The following NAALAD2 variants were observed in gnomAD, a reference collection of about 807,000 sequenced individuals.
NAALAD2 encodes N-acetylated alpha-linked acidic dipeptidase 2.
A neutral mutation model predicts 95.6 loss-of-function variants in NAALAD2; 89 were observed. That is an observed-to-expected ratio of 0.93 (90% CI 0.78 to 1.11). NAALAD2 has a LOEUF of 1.11. NAALAD2 is among the 50% of genes least tolerant of loss of function. NAALAD2 has a pLI of 0.00. For missense variants in NAALAD2, 894 were observed against 872.4 expected, an observed-to-expected ratio of 1.02 and a Z score of -0.31; for synonymous variants, 264 against 294.4, an observed-to-expected ratio of 0.90 and a Z score of 1.06.
At chr11:90,176,842 T>G (rs574943820) in intron 15 of NAALAD2, among the ~76,000 whole-genome samples, 11 of 152,116 alleles carry the variant, frequency 7.2e-5, no homozygotes, top group Non-Finnish European at 1.3e-4. Flanking sequence ...AACAAAGAAA[T>G]AAAAGCAACC....
chr11:90,135,668 T>C lies in NAALAD2; in HGVS notation c.192T>C (p.Leu64=), dbSNP rs775371747. The C allele has an allele frequency of 6.1e-5, 98 of 1,607,868 alleles. 1 individual carries two copies. The highest frequency in any genetic ancestry group is 1.7e-4 in the Admixed American group (10 of 59,490). ...AAGCTGAAAACATCAAATCATTTCT[T>C]CGGTAAGTTTATTTTACGTATTTGA... ...EMKAENIKSF[L]RSFTKLPHLA... The change falls in exon 2 of 19, where the codon CTT becomes CTC. Residue 64 remains leucine (L), a splice_region_variant and synonymous_variant. Coordinates refer to ENST00000534061, the MANE Select transcript of NAALAD2 (RefSeq NM_005467.4).
At chr11:90,171,213 C>T (rs1001919694) in intron 13 of NAALAD2, among the ~76,000 whole-genome samples, 3 of 152,104 alleles carry the variant, frequency 2.0e-5, no homozygotes, top group Non-Finnish European at 4.4e-5. Context: ...AAGAATTTAC[C>T]TGTGGAAATG....
At chr11:90,169,055 T>G in intron 12 of NAALAD2, 63 bp downstream of exon 12, 1 of 1,155,624 alleles carries the variant, frequency 8.7e-7, no homozygotes. Flanking sequence ...AAGTAACTTT[T>G]ATTATTGAGT....
chr11:90,177,733 G>C (rs1421504581), intron 15 of NAALAD2, 120 bp from the exon 16 acceptor site: 3 of 1,014,000 alleles, frequency 3.0e-6, no homozygotes, highest in Non-Finnish European at 2.8e-6. Flanking sequence ...GATTACAGAT[G>C]TGAGCCACCA....
At chr11:90,161,909 C>T (rs1952308815) in intron 8 of NAALAD2, among the ~76,000 whole-genome samples, 1 of 136,408 alleles carries the variant, frequency 7.3e-6, no homozygotes, top group Non-Finnish European at 1.5e-5. Flanking sequence ...AAATCATTTA[C>T]TTAATGCCTT....
intron 15 of NAALAD2, among the ~76,000 whole-genome samples, chr11:90,177,608 T>A (rs1303682260): frequency 6.3e-5 from 6 of 94,592 alleles, no homozygotes; most frequent in African/African-American, 2.2e-4. Context: ...TTTTTTTTTT[T>A]TTTTTTTTTT....
intron 16 of NAALAD2, among the ~76,000 whole-genome samples, chr11:90,178,611 C>T (rs1414380893): frequency 6.6e-6 from 1 of 151,006 alleles, no homozygotes. Context: ...GCAGAGCTTG[C>T]AGTGAGCTGA....
At chr11:90,142,856 G>C (rs1387420745) in intron 2 of NAALAD2, among the ~76,000 whole-genome samples, 1 of 151,550 alleles carries the variant, frequency 6.6e-6, no homozygotes, top group African/African-American at 2.4e-5. Flanking sequence ...TTATCTTTTG[G>C]CTATACCTCT....
chr11:90,157,259 T>A (rs1952142360), intron 6 of NAALAD2, among the ~76,000 whole-genome samples: 1 of 152,202 alleles, frequency 6.6e-6, no homozygotes, highest in Non-Finnish European at 1.5e-5. Context: ...TTATTATTTT[T>A]AAAGTGTTTC....
In NAALAD2 at chr11:90,158,232, T is replaced by C; in HGVS notation, c.884T>C (p.Leu295Ser). The C allele has an allele frequency of 6.2e-7, 1 of 1,602,590 alleles. No individual in the cohort carries two copies. Among genetic ancestry groups the C allele is most frequent in the Non-Finnish European group, 8.5e-7 (1 of 1,170,524 alleles). The part of the protein sequence containing the change: ...HPIGYNDAEI[L>S]LRYLGGIAPP... ...ATTGGATATAATGATGCAGAAATAT[T>C]ATTACGGTATAGTTTTCTTGTTGGA... The change falls in exon 7 of 19, where the codon TTA becomes TCA. Residue 295 changes from leucine (L) to serine (S), a missense_variant. Transcript: ENST00000534061.
intron 6 of NAALAD2, among the ~76,000 whole-genome samples, chr11:90,155,925 A>ATG (rs1209596506): frequency 2.1e-5 from 3 of 145,482 alleles, no homozygotes; most frequent in African/African-American, 7.5e-5. Flanking sequence ...TATATATGTA[A>ATG]TGTATATGTG....
intron 3 of NAALAD2, among the ~76,000 whole-genome samples, chr11:90,148,327 AGGACTTGATTAGTGATTGACTT>A: frequency 6.6e-6 from 1 of 152,198 alleles, no homozygotes; most frequent in African/African-American, 2.4e-5. Flanking sequence ...ATGTATTAGC[AGGACTTGATTAGTGATTGACTT>A]GGGGAAGGAG....
At chr11:90,167,060 G>A (rs1366041029) in intron 11 of NAALAD2, among the ~76,000 whole-genome samples, 4 of 152,208 alleles carry the variant, frequency 2.6e-5, no homozygotes, top group Non-Finnish European at 4.4e-5. Context: ...CGCTCTCGGC[G>A]CCTCCTCGGC....
intron 6 of NAALAD2, among the ~76,000 whole-genome samples, chr11:90,155,681 A>T (rs1361488706): frequency 4.8e-5 from 2 of 42,078 alleles, no homozygotes; most frequent in Non-Finnish European, 7.4e-5. Flanking sequence ...TATGTATGTA[A>T]TACATACATA....
chr11:90,145,592 C>T (rs1376315125), intron 2 of NAALAD2, among the ~76,000 whole-genome samples: 1 of 152,068 alleles, frequency 6.6e-6, no homozygotes, highest in Admixed American at 6.6e-5. Flanking sequence ...AGAAATTAAA[C>T]ATCTGATACC....
At position 90,159,552 on chromosome 11, in the gene NAALAD2, A is replaced by G. The variant is rs78680627; in HGVS notation, c.989+215A>G. Among the ~76,000 whole-genome samples, 459 of 152,340 alleles carry G rather than the reference A, an allele frequency of 3.0e-3. 2 individuals carry two copies. The highest frequency in any genetic ancestry group is 0.01 in the African/African-American group (432 of 41,576). On this transcript the variant is annotated intron_variant, in intron 8 of 18. Transcript: ENST00000534061. Reference sequence around the variant, plus strand: ...TTCACAGAATCTCAAAAATTAATATATTTGAATATAGGTTTAACATTTCAA... The same window carrying G: ...TTCACAGAATCTCAAAAATTAATATGTTTGAATATAGGTTTAACATTTCAA...
At chr11:90,185,744 T>G (rs903837704) in intron 18 of NAALAD2, among the ~76,000 whole-genome samples, 28 of 152,300 alleles carry the variant, frequency 1.8e-4, no homozygotes, top group African/African-American at 6.5e-4. Context: ...TTTTCCACAA[T>G]TATTTACTAT....
Sources: allele counts gnomAD v4.1 joint callset (sites outside exome capture counted in the v4.1 genomes callset), GRCh38; gene constraint gnomAD v4.1.1; transcripts MANE v1.5; gene names NCBI Gene and HGNC (gene_info 2026-07-23, HGNC 2026-07-21).